The following LRRIQ1 variants were observed in gnomAD, a reference collection of about 807,000 sequenced individuals.
The protein encoded by LRRIQ1 is leucine rich repeats and IQ motif containing 1.
In LRRIQ1, 210 loss-of-function variants were observed where a neutral mutation model predicts 211.9. The observed-to-expected ratio is 0.99, with a 90% confidence interval of 0.89 to 1.11. The LOEUF (loss-of-function observed/expected upper bound fraction) is 1.11. Among genes scored for constraint, LRRIQ1 ranks in the 50% most tolerant of loss-of-function variants. The pLI is 0.00. For synonymous variants in LRRIQ1, 699 were observed against 650.1 expected, an observed-to-expected ratio of 1.08 and a Z score of -1.14; for missense variants, 2,136 against 1,939.5, an observed-to-expected ratio of 1.10 and a Z score of -1.90.
chr12:85,161,921 TC>T (rs1890904224), intron 24 of LRRIQ1, among the ~76,000 whole-genome samples: 1 of 151,890 alleles, frequency 6.6e-6, no homozygotes, highest in Non-Finnish European at 1.5e-5. Context: ...GCTCCTGTAG[TC>T]CCAGCTACTC....
At chr12:85,152,100 A>G (rs986983423) in intron 19 of LRRIQ1, among the ~76,000 whole-genome samples, 180 bp from the exon 20 acceptor site, 10 of 151,742 alleles carry the variant, frequency 6.6e-5, no homozygotes, top group African/African-American at 1.9e-4. Flanking sequence ...GTCTTATCCC[A>G]TTTTTAGCAT....
chr12:85,152,728 T>C (rs1205994347), intron 20 of LRRIQ1, among the ~76,000 whole-genome samples: 1 of 151,708 alleles, frequency 6.6e-6, no homozygotes, highest in East Asian at 1.9e-4. Flanking sequence ...CAGAGGTCAA[T>C]GGACTGCAAT....
chr12:85,246,414 T>C (rs1312486635), downstream of LRRIQ1, among the ~76,000 whole-genome samples: 3 of 151,330 alleles, frequency 2.0e-5, no homozygotes, highest in African/African-American at 7.3e-5. Flanking sequence ...TCATATGATA[T>C]CACTTTGGAG....
chr12:85,077,535 T>C (rs1245047027), intron 11 of LRRIQ1, among the ~76,000 whole-genome samples: 3 of 152,206 alleles, frequency 2.0e-5, no homozygotes, highest in Non-Finnish European at 4.4e-5. Context: ...TTGGATATTT[T>C]ATCTGGGAAA....
intron 24 of LRRIQ1, among the ~76,000 whole-genome samples, chr12:85,170,264 GTATA>G (rs35828890): frequency 0.6 from 88,949 of 147,774 alleles, 28,667 homozygotes; most frequent in African/African-American, 0.86. Context: ...TGTGCATATT[GTATA>G]TATATATATA....
rs1302238409 is a variant in LRRIQ1 at position 85,244,816 on chromosome 12, G to A, written c.5044G>A (p.Asp1682Asn). ...VARLVSREDT[D>N]LDLFSMTNGS... ...AAGACTTGTAAGCAGAGAAGACACG[G>A]ATTTAGACCTTTTTTCCATGACCAA... The change falls in exon 27 of 27, where the codon GAT becomes AAT. Residue 1682 changes from aspartate to asparagine, a missense_variant. Physicochemically the swap from Asp to Asn is conservative, Grantham distance 23 (BLOSUM62 1). Transcript: ENST00000393217. The A allele has an allele frequency of 6.2e-7, 1 of 1,611,432 alleles. No homozygotes were observed. The highest frequency in any genetic ancestry group is 1.1e-5 in the South Asian group (1 of 90,980).
In LRRIQ1 at chr12:85,166,539, AATTATAAGC is replaced by A. The variant is rs1345986650; in HGVS notation, c.4822+5829_4822+5837del. Among the ~76,000 whole-genome samples the A allele has an allele frequency of 2.0e-5, 3 of 152,302 alleles. No individual in the cohort carries two copies. In the East Asian group the frequency reaches 5.8e-4, roughly 29 times the overall value. On this transcript the variant is annotated intron_variant, in intron 24 of 26. Coordinates refer to ENST00000393217, the MANE Select transcript of LRRIQ1 (RefSeq NM_001079910.2). Reference sequence around the variant, plus strand: ...TCTTTTGTGATACTTTTTACTTTAGAATTATAAGCATTTTCTCCTCCTGACTTCTCCTTT... The same window carrying A: ...TCTTTTGTGATACTTTTTACTTTAGAATTTTCTCCTCCTGACTTCTCCTTT...
At chr12:85,110,856 T>C (rs1013288640) in intron 15 of LRRIQ1, among the ~76,000 whole-genome samples, 1 of 152,094 alleles carries the variant, frequency 6.6e-6, no homozygotes, top group African/African-American at 2.4e-5. Flanking sequence ...TGGAAGGAGA[T>C]GAGAAATCAA....
chr12:85,047,580 C>T (rs1879783541), intron 6 of LRRIQ1, 110 bp downstream of exon 6: 1 of 835,368 alleles, frequency 1.2e-6, no homozygotes, highest in Non-Finnish European at 1.9e-6. Context: ...CTTTTAATTA[C>T]TCTCTGATAG....
At chr12:85,069,403 A>G (rs371413625) in intron 10 of LRRIQ1, among the ~76,000 whole-genome samples, 1 of 152,002 alleles carries the variant, frequency 6.6e-6, no homozygotes, top group Non-Finnish European at 1.5e-5. Context: ...ATAAACATAC[A>G]TGTGCATGTG....
chr12:85,216,309 C>G (rs895874614), intron 24 of LRRIQ1, among the ~76,000 whole-genome samples: 1 of 152,058 alleles, frequency 6.6e-6, no homozygotes, highest in Non-Finnish European at 1.5e-5. Context: ...ATGATGGCTT[C>G]CAGCTTCATC....
At chr12:85,261,063 G>A (rs1164682746) in intron 1 of LRRIQ1, among the ~76,000 whole-genome samples, 1 of 152,144 alleles carries the variant, frequency 6.6e-6, no homozygotes, top group Non-Finnish European at 1.5e-5. Context: ...TCTCTCAGTT[G>A]TTAGTCTCTC....
intron 18 of LRRIQ1, among the ~76,000 whole-genome samples, chr12:85,136,346 A>G (rs927179357): frequency 1.3e-5 from 2 of 151,964 alleles, no homozygotes; most frequent in Non-Finnish European, 2.9e-5. Flanking sequence ...TAGTGGAAAA[A>G]GGGAACGCTT....
chr12:85,039,291 G>C (rs1467523436), intron 2 of LRRIQ1, among the ~76,000 whole-genome samples: 3 of 151,250 alleles, frequency 2.0e-5, no homozygotes, highest in African/African-American at 7.3e-5. Context: ...TAGAATCAGT[G>C]TAAGTATTAT....
intron 15 of LRRIQ1, among the ~76,000 whole-genome samples, chr12:85,117,380 G>C (rs1461753676): frequency 6.6e-6 from 1 of 152,070 alleles, no homozygotes; most frequent in African/African-American, 2.4e-5. Context: ...ACAGCTTACT[G>C]TTACTATTTA....
intron 1 of LRRIQ1, among the ~76,000 whole-genome samples, chr12:85,253,853 T>G (rs1896015183): frequency 6.6e-6 from 1 of 152,066 alleles, no homozygotes. Context: ...TTTGTCATCT[T>G]GTTCTCCAAG....
At chr12:85,123,974 A>G in intron 16 of LRRIQ1, 96 bp from the exon 17 acceptor site, 1 of 772,900 alleles carries the variant, frequency 1.3e-6, no homozygotes, top group Non-Finnish European at 2.1e-6. Flanking sequence ...TTTAATATTC[A>G]TTTGAGGCCA....
At chr12:85,074,177 G>A (rs1018484366) in intron 11 of LRRIQ1, among the ~76,000 whole-genome samples, 2 of 151,920 alleles carry the variant, frequency 1.3e-5, no homozygotes, top group Non-Finnish European at 2.9e-5. Context: ...AATAGTGAAT[G>A]TATCAATCTT....
At chr12:85,189,790 TTTA>T (rs1892400462) in intron 24 of LRRIQ1, among the ~76,000 whole-genome samples, 1 of 146,656 alleles carries the variant, frequency 6.8e-6, no homozygotes, top group Admixed American at 6.9e-5. Flanking sequence ...ATATATATTA[TTTA>T]TTATATCTGT....
Sources: allele counts gnomAD v4.1 joint callset (sites outside exome capture counted in the v4.1 genomes callset), GRCh38; gene constraint gnomAD v4.1.1; transcripts MANE v1.5; gene names NCBI Gene and HGNC (gene_info 2026-07-23, HGNC 2026-07-21).